Variants in SORCS1 observed in about 807,000 individuals in gnomAD.
The protein encoded by SORCS1 is VPS10 domain-containing receptor SorCS1.
In SORCS1, 60 loss-of-function variants were observed where a neutral mutation model predicts 146.1. That is an observed-to-expected ratio of 0.41 (90% CI 0.33 to 0.51). The LOEUF (loss-of-function observed/expected upper bound fraction) is 0.51. SORCS1 is among the 20% of genes least tolerant of loss of function. SORCS1 has a pLI of 0.21. For synonymous variants in SORCS1, 637 were observed against 584.0 expected (o/e 1.09, Z -1.31); for missense variants, 1,352 against 1,487.6 (o/e 0.91, Z 1.50).
At chr10:106,701,783 C>G (rs144586421) in intron 8 of SORCS1, among the ~76,000 whole-genome samples, 1 of 152,208 alleles carries the variant, frequency 6.6e-6, no homozygotes, top group Non-Finnish European at 1.5e-5. Flanking sequence ...GTGAATGAAA[C>G]TCTGTGTCTC....
At chr10:106,747,544 T>C (rs1413136172) in intron 5 of SORCS1, among the ~76,000 whole-genome samples, 1 of 152,256 alleles carries the variant, frequency 6.6e-6, no homozygotes, top group Non-Finnish European at 1.5e-5. Context: ...CTACTCTGCC[T>C]TTCTTTTGTG....
intron 18 of SORCS1, among the ~76,000 whole-genome samples, chr10:106,648,166 G>A (rs185576673): frequency 1.1e-4 from 17 of 151,990 alleles, no homozygotes; most frequent in Admixed American, 1.1e-3. Flanking sequence ...TACCATTTTA[G>A]TATTTGTTTT....
Position 106,624,111 on chromosome 10 carries a change from G to A in SORCS1, c.2663-3550C>T, listed in dbSNP as rs190493597. Among the ~76,000 whole-genome samples the A allele has an allele frequency of 2.8e-3, 425 of 152,142 alleles. 4 individuals are homozygous for A. Among genetic ancestry groups the A allele is most frequent in the Non-Finnish European group, 3.4e-3 (228 of 68,014 alleles). ...GTGCTGAATGCATAAAGCAGAAGTCGGTGACAGAGTGCTATTTTTGAAAGT... is the reference window on the plus strand; with the variant it reads ...GTGCTGAATGCATAAAGCAGAAGTCAGTGACAGAGTGCTATTTTTGAAAGT... On this transcript the variant is annotated intron_variant, in intron 19 of 25. Transcript: ENST00000263054.
At chr10:107,177,709 C>T in the SORCS1 span, among the ~76,000 whole-genome samples, 2 of 152,320 alleles carry the variant, frequency 1.3e-5, no homozygotes, top group South Asian at 2.1e-4. Context: ...AAATATCCAT[C>T]ACCTTGAATG....
At chr10:106,940,951 AG>A (rs1954012611) in intron 2 of SORCS1, among the ~76,000 whole-genome samples, 1 of 152,222 alleles carries the variant, frequency 6.6e-6, no homozygotes, top group Non-Finnish European at 1.5e-5. Flanking sequence ...ATCCCACAAA[AG>A]ATGGTCCTTG....
chr10:106,695,608 T>C (rs1040078457), intron 9 of SORCS1, among the ~76,000 whole-genome samples: 11 of 152,220 alleles, frequency 7.2e-5, no homozygotes, highest in Admixed American at 2.0e-4. Context: ...CCCTACCTCA[T>C]AATGTATGTA....
At chr10:106,668,200 G>A (rs1040054737) in intron 16 of SORCS1, among the ~76,000 whole-genome samples, 1 of 152,140 alleles carries the variant, frequency 6.6e-6, no homozygotes, top group African/African-American at 2.4e-5. Context: ...GGCCACATGT[G>A]GCACAGTCCT....
rs1040564760 is a variant in SORCS1, at chr10:106,947,395, G to A, written c.626+9118C>T. Among the ~76,000 whole-genome samples the A allele has an allele frequency of 4.0e-5, 6 of 151,800 alleles. No individual in the cohort carries two copies. In the South Asian group the frequency reaches 6.3e-4, roughly 16 times the overall value. On this transcript the variant is annotated intron_variant, in intron 2 of 25. Coordinates refer to ENST00000263054, the MANE Select transcript of SORCS1 (RefSeq NM_052918.5). ...ACTGTGTGTAGTAACAACTCTTGAC[G>A]AAATGAACTAAAGATCTATCGGAAA... is the stretch of plus-strand genomic sequence containing the variant.
chr10:106,993,183 C>G (rs181722068), intron 1 of SORCS1, among the ~76,000 whole-genome samples: 2 of 151,616 alleles, frequency 1.3e-5, no homozygotes, highest in South Asian at 2.1e-4. Context: ...TACTGTATCT[C>G]GAGTCAACAT....
chr10:106,882,707 C>T (rs140319223), intron 2 of SORCS1, among the ~76,000 whole-genome samples: 99 of 152,096 alleles, frequency 6.5e-4, no homozygotes, highest in African/African-American at 2.3e-3. Flanking sequence ...TGTGTGGAGG[C>T]GGGGACAAAA....
At chr10:106,699,810 G>C (rs703496) in intron 8 of SORCS1, among the ~76,000 whole-genome samples, 140,834 of 152,242 alleles carry the variant, frequency 0.93, 65,410 homozygotes, top group Middle Eastern at 0.98. Flanking sequence ...AACCCTGCAT[G>C]TCTCAGCATG....
chr10:106,953,679 A>C (rs1954809509), intron 2 of SORCS1, among the ~76,000 whole-genome samples: 1 of 152,194 alleles, frequency 6.6e-6, no homozygotes, highest in South Asian at 2.1e-4. Flanking sequence ...GGTACACCCT[A>C]TTGTTCCAAG....
chr10:107,105,363 TATA>T (rs1965234386), intron 1 of SORCS1, among the ~76,000 whole-genome samples: 1 of 152,160 alleles, frequency 6.6e-6, no homozygotes, highest in African/African-American at 2.4e-5. Context: ...AGGATAGATG[TATA>T]TATGAAGGAA....
chr10:107,063,304 A>T (rs976113411), intron 1 of SORCS1, among the ~76,000 whole-genome samples: 1 of 152,192 alleles, frequency 6.6e-6, no homozygotes, highest in Non-Finnish European at 1.5e-5. Context: ...TAGTCATTTT[A>T]AAATAAAACT....
rs1554865503 is a variant in SORCS1, at chr10:106,574,061, T to TTA, written c.*3358_*3359insTA. 13,025 of 151,466 alleles carry TTA rather than the reference T, an allele frequency of 0.086. 863 individuals are homozygous for TTA. Among genetic ancestry groups the TTA allele is most frequent in the East Asian group, 0.25 (1,272 of 5,124 alleles). The allele number at this position is 151,466 out of a possible 1,614,324, so 9.4% of individuals were successfully genotyped here. A position where few individuals can be genotyped will look rare whatever the true frequency, so the allele number is the denominator to read the frequency against. ...ACTATAAGAAAACTTTTTTTTTTTT[T>TTA]AATTGGCTTCCTATAAAAATAAGTC... On this transcript the variant is annotated 3_prime_UTR_variant, in exon 26 of 26. Coordinates refer to ENST00000263054, the MANE Select transcript of SORCS1 (RefSeq NM_052918.5).
intron 1 of SORCS1, among the ~76,000 whole-genome samples, chr10:107,089,066 T>C (rs1472184500): frequency 6.6e-6 from 1 of 152,194 alleles, no homozygotes; most frequent in African/African-American, 2.4e-5. Context: ...TCATGGAAAA[T>C]AGGCTGGATC....
At chr10:106,641,512 T>C (rs917856731) in intron 18 of SORCS1, among the ~76,000 whole-genome samples, 1 of 152,190 alleles carries the variant, frequency 6.6e-6, no homozygotes, top group East Asian at 1.9e-4. Context: ...AGGAAAGGAT[T>C]AAGGAAGAGA....
chr10:106,788,237 C>G (rs1203604863), intron 3 of SORCS1, among the ~76,000 whole-genome samples: 1 of 152,146 alleles, frequency 6.6e-6, no homozygotes, highest in Non-Finnish European at 1.5e-5. Flanking sequence ...AATTACAATT[C>G]AAGATGAGAT....
chr10:107,098,213 T>A (rs1244737120), intron 1 of SORCS1, among the ~76,000 whole-genome samples: 2 of 152,212 alleles, frequency 1.3e-5, no homozygotes, highest in Non-Finnish European at 2.9e-5. Flanking sequence ...TCTCAGTATG[T>A]CTTTCTTTAC....
Sources: allele counts gnomAD v4.1 joint callset (sites outside exome capture counted in the v4.1 genomes callset), GRCh38; gene constraint gnomAD v4.1.1; transcripts MANE v1.5; gene names NCBI Gene and HGNC (gene_info 2026-07-23, HGNC 2026-07-21).